Variants in PMFBP1 observed in about 807,000 individuals in gnomAD.
PMFBP1 encodes polyamine-modulated factor 1-binding protein 1.
A neutral mutation model predicts 137.8 loss-of-function variants in PMFBP1; 131 were observed. That is an observed-to-expected ratio of 0.95 (90% CI 0.82 to 1.10). The LOEUF is 1.10. Among genes scored for constraint, PMFBP1 ranks in the 50% least tolerant of loss-of-function variants. The pLI, the probability that PMFBP1 is intolerant of heterozygous loss-of-function variation, is 0.00. For missense variants in PMFBP1, 1,199 were observed against 1,175.4 expected (o/e 1.02, Z -0.29); for synonymous variants, 490 against 450.4 (o/e 1.09, Z -1.11).
the PMFBP1 span, among the ~76,000 whole-genome samples, chr16:72,216,418 A>C: frequency 6.6e-6 from 1 of 152,312 alleles, no homozygotes; most frequent in South Asian, 2.1e-4. Flanking sequence ...TTTAATGGTC[A>C]GGCAGTGAGT....
chr16:72,215,051 G>C, the PMFBP1 span, among the ~76,000 whole-genome samples: 1 of 152,092 alleles, frequency 6.6e-6, no homozygotes, highest in South Asian at 2.1e-4. Context: ...CTGGAAGAGA[G>C]ACCAAAGGAA....
chr16:72,176,908 GAT>G (rs2043261264), upstream of PMFBP1: 1 of 152,214 alleles, frequency 6.6e-6, no homozygotes, highest in African/African-American at 2.4e-5. Flanking sequence ...CGATTCCACA[GAT>G]ATGTTTCTCA....
chr16:72,121,933 G>A (rs759897608), intron 19 of PMFBP1, among the ~76,000 whole-genome samples: 50 of 151,950 alleles, frequency 3.3e-4, no homozygotes, highest in Non-Finnish European at 5.9e-4. Flanking sequence ...AGATTCAGGG[G>A]TACATGTTAC....
the PMFBP1 span, among the ~76,000 whole-genome samples, chr16:72,205,736 T>C: frequency 5.5e-4 from 84 of 152,290 alleles, no homozygotes; most frequent in African/African-American, 1.8e-3. Context: ...GTCTCTTCCA[T>C]AGAGTTCTTG....
At chr16:72,219,598 T>A in the PMFBP1 span, among the ~76,000 whole-genome samples, 1 of 152,136 alleles carries the variant, frequency 6.6e-6, no homozygotes, top group Admixed American at 6.5e-5. Context: ...TGAGGAGATG[T>A]GTACTCAGTT....
intron 3 of PMFBP1, among the ~76,000 whole-genome samples, chr16:72,155,287 G>A (rs574768129): frequency 6.6e-6 from 1 of 152,110 alleles, no homozygotes; most frequent in Non-Finnish European, 1.5e-5. Context: ...GGTAGCCTCT[G>A]GGCAGTCCTT....
chr16:72,150,444 T>C (rs551316062), intron 5 of PMFBP1, among the ~76,000 whole-genome samples, 164 bp downstream of exon 5: 1 of 152,288 alleles, frequency 6.6e-6, no homozygotes, highest in South Asian at 2.1e-4. Context: ...TTATAGGATA[T>C]GTGAAAGCTG....
chr16:72,202,875 G>A, the PMFBP1 span, among the ~76,000 whole-genome samples: 11 of 152,332 alleles, frequency 7.2e-5, no homozygotes, highest in Admixed American at 4.6e-4. Flanking sequence ...GTTACCTGCT[G>A]TTTGCTTTCC....
At chr16:72,128,849 T>A in intron 13 of PMFBP1, 55 bp from the exon 14 acceptor site, 1 of 1,605,926 alleles carries the variant, frequency 6.2e-7, no homozygotes, top group African/African-American at 1.3e-5. Context: ...CTCAGATAAC[T>A]ATAAAAGCCC....
chr16:72,154,495 G>C, intron 3 of PMFBP1, 36 bp from the exon 4 acceptor site: 2 of 1,603,308 alleles, frequency 1.2e-6, no homozygotes, highest in Non-Finnish European at 1.7e-6. Context: ...AAAGGCTTTA[G>C]ATCATCACTA....
chr16:72,177,927 T>A (rs2043264173), upstream of PMFBP1, among the ~76,000 whole-genome samples: 1 of 152,164 alleles, frequency 6.6e-6, no homozygotes, highest in Non-Finnish European at 1.5e-5. Flanking sequence ...AGTCTTACTT[T>A]GTTGCCCAGG....
At chr16:72,135,929 A>AT (rs530809698) in intron 9 of PMFBP1, among the ~76,000 whole-genome samples, 39 of 147,644 alleles carry the variant, frequency 2.6e-4, no homozygotes, top group African/African-American at 9.0e-4. Flanking sequence ...TAATTTTTGT[A>AT]TTTTTTGTAG....
chr16:72,157,061 C>A (rs914742017), intron 3 of PMFBP1, among the ~76,000 whole-genome samples: 3 of 151,038 alleles, frequency 2.0e-5, no homozygotes, highest in African/African-American at 4.9e-5. Flanking sequence ...TGGTGGCGGG[C>A]GCCTGTAGTC....
chr16:72,166,624 CCAAGTATAGGTA>C (rs2043148872), intron 2 of PMFBP1, among the ~76,000 whole-genome samples: 1 of 152,174 alleles, frequency 6.6e-6, no homozygotes, highest in South Asian at 2.1e-4. Flanking sequence ...GGGGTAAAAA[CCAAGTATAGGTA>C]CATTTTCAGA....
At chr16:72,215,605 A>C in the PMFBP1 span, among the ~76,000 whole-genome samples, 2 of 152,232 alleles carry the variant, frequency 1.3e-5, no homozygotes, top group Non-Finnish European at 2.9e-5. Context: ...TGCAGAAAGA[A>C]TGAATAGAGG....
the PMFBP1 span, among the ~76,000 whole-genome samples, chr16:72,235,109 T>A: frequency 4.6e-4 from 70 of 152,288 alleles, no homozygotes; most frequent in African/African-American, 1.6e-3. Flanking sequence ...TAAGAAACCA[T>A]TGCCTAACCC....
chr16:72,222,460 C>T, the PMFBP1 span, among the ~76,000 whole-genome samples: 5 of 152,114 alleles, frequency 3.3e-5, no homozygotes, highest in Non-Finnish European at 7.4e-5. Context: ...AGCATGGTAT[C>T]AGGTCTGGGG....
the PMFBP1 span, among the ~76,000 whole-genome samples, chr16:72,243,746 A>C: frequency 6.6e-6 from 1 of 152,216 alleles, no homozygotes; most frequent in African/African-American, 2.4e-5. Flanking sequence ...ACATACTCTG[A>C]GTAGGGAGAA....
At chr16:72,169,829 T>G (rs2043196236) in intron 2 of PMFBP1, among the ~76,000 whole-genome samples, 1 of 152,160 alleles carries the variant, frequency 6.6e-6, no homozygotes, top group Non-Finnish European at 1.5e-5. Flanking sequence ...TTAAGGTTGT[T>G]GCAAGGATTA....
Sources: allele counts gnomAD v4.1 joint callset (sites outside exome capture counted in the v4.1 genomes callset), GRCh38; gene constraint gnomAD v4.1.1; transcripts MANE v1.5; gene names NCBI Gene and HGNC (gene_info 2026-07-23, HGNC 2026-07-21).